Variants in SFXN5 observed in about 807,000 individuals in gnomAD.
SFXN5 encodes sideroflexin-5.
Under a neutral mutation model 50.2 loss-of-function variants are expected in SFXN5, and 43 were observed. The observed-to-expected ratio is 0.86, with a 90% CI of 0.67 to 1.11. SFXN5 has a LOEUF of 1.11. SFXN5 is among the 50% of genes least tolerant of loss of function. The pLI, the probability that SFXN5 is intolerant of heterozygous loss-of-function variation, is 0.00. For synonymous variants in SFXN5, 203 were observed against 185.8 expected (o/e 1.09, Z -0.75); for missense variants, 463 against 454.1 (o/e 1.02, Z -0.18).
chr2:73,050,043 C>T (rs1681038953), intron 2 of SFXN5: 1 of 151,898 alleles, frequency 6.6e-6, no homozygotes, highest in Non-Finnish European at 1.5e-5. Flanking sequence ...AACATTCGAT[C>T]TTGAGAATCA....
At chr2:72,968,632 G>T in intron 11 of SFXN5, 99 bp from the exon 12 acceptor site, 2 of 1,069,748 alleles carry the variant, frequency 1.9e-6, no homozygotes, top group Non-Finnish European at 2.8e-6. Context: ...CAACGCATGT[G>T]TGTCTGAATG....
chr2:72,986,029 C>T (rs1015466976), intron 10 of SFXN5, among the ~76,000 whole-genome samples: 11 of 152,222 alleles, frequency 7.2e-5, no homozygotes, highest in African/African-American at 1.2e-4. Flanking sequence ...TGCAGCAGAG[C>T]GCTGCCCCTT....
chr2:73,023,145 G>C (rs1677111344), intron 4 of SFXN5, 43 bp downstream of exon 4: 5 of 1,588,458 alleles, frequency 3.1e-6, no homozygotes, highest in African/African-American at 2.7e-5. Flanking sequence ...GTGGAGTCCA[G>C]GACAACACGG....
Position 72,953,297 on chromosome 2 carries a change from G to T in SFXN5, c.945+7834C>A, listed in dbSNP as rs1244022594. 6.6e-6 allele frequency among the ~76,000 whole-genome samples: 1 copy of T among 152,174 alleles called. No homozygotes were observed. Among genetic ancestry groups the T allele is most frequent in the Non-Finnish European group, 1.5e-5 (1 of 68,038 alleles). ...GACGGCAAAAATAGCCCACTTTAGA[G>T]TTCAGTAGGGACTGATTAAACCAGT... On this transcript the variant is annotated intron_variant, in intron 13 of 13. Transcript: ENST00000272433. The surrounding 1 kb of genome is among the most constrained non-coding windows in gnomAD (Gnocchi z 4.1).
intron 13 of SFXN5, among the ~76,000 whole-genome samples, chr2:72,959,780 C>T (rs898171522): frequency 1.3e-5 from 2 of 152,164 alleles, no homozygotes; most frequent in Admixed American, 6.5e-5. Flanking sequence ...GCCTTCTCTA[C>T]TGCATTTACG....
chr2:72,993,210 G>A (rs1392576015), intron 9 of SFXN5, among the ~76,000 whole-genome samples: 1 of 152,160 alleles, frequency 6.6e-6, no homozygotes, highest in Non-Finnish European at 1.5e-5. Flanking sequence ...GGCACCGGGG[G>A]CAAGGGTGGG....
At position 72,979,405 on chromosome 2, in the gene SFXN5, G is replaced by A. The variant is rs184700564; in HGVS notation, c.626-7720C>T. On this transcript the variant is annotated intron_variant, in intron 10 of 13. Transcript: ENST00000272433. The stretch of plus-strand genomic sequence containing the variant: ...TCCCAGCACTTTGAGAGGCCAAGGC[G>A]GGTGGATCACCTGAGGTCAGGAGTT... 2.5e-3 allele frequency among the ~76,000 whole-genome samples: 367 copies of A among 145,974 alleles called. 1 individual carries two copies. The highest frequency in any genetic ancestry group is 8.7e-3 in the African/African-American group (348 of 39,990).
intron 12 of SFXN5, among the ~76,000 whole-genome samples, chr2:72,964,625 T>C (rs1220181065): frequency 1.3e-5 from 2 of 152,230 alleles, no homozygotes; most frequent in African/African-American, 4.8e-5. Context: ...GTCCTGCACT[T>C]CCAGAGTACA....
At position 73,031,530 on chromosome 2, in the gene SFXN5, T is replaced by A. The variant is rs548985403; in HGVS notation, c.250-8316A>T. On this transcript the variant is annotated intron_variant, in intron 3 of 13. Coordinates refer to ENST00000272433, the MANE Select transcript of SFXN5 (RefSeq NM_144579.3). ...TTTTGTTACAGCAGCTAGTACCACT[T>A]TAACTAATATAACCCATTTGGGGTT... 2.6e-5 allele frequency among the ~76,000 whole-genome samples: 4 copies of A among 152,314 alleles called. No homozygotes were observed. In the South Asian group the frequency reaches 8.3e-4, roughly 32 times the overall value.
intron 10 of SFXN5, among the ~76,000 whole-genome samples, chr2:72,979,128 GA>G (rs1670989590): frequency 6.6e-6 from 1 of 152,130 alleles, no homozygotes; most frequent in African/African-American, 2.4e-5. Context: ...TATAAATTTT[GA>G]AAAATTCATG....
rs1300351855 is a variant in SFXN5 at position 72,948,585 on chromosome 2, T to C, written c.946-3486A>G. Among the ~76,000 whole-genome samples, 8 of 152,244 alleles carry C rather than the reference T, an allele frequency of 5.3e-5. No individual in the cohort carries two copies. In the East Asian group the frequency reaches 1.5e-3, roughly 29 times the overall value. ...TCAGAGAGGCTGCTCAGCACCACCA[T>C]GCAGGACCACGGCCCAGGGCCACGG... On this transcript the variant is annotated intron_variant, in intron 13 of 13. Transcript: ENST00000272433.
In SFXN5 at chr2:72,950,089, T is replaced by A. The variant is rs530675547; in HGVS notation, c.946-4990A>T. ...GTGAGCATAGCCAGATCCTTCAGAG[T>A]GGAGGAGCTCGCCCAGGGAAGCAGA... On this transcript the variant is annotated intron_variant, in intron 13 of 13. Coordinates refer to ENST00000272433, the MANE Select transcript of SFXN5 (RefSeq NM_144579.3). The surrounding 1 kb of genome is among the most constrained non-coding windows in gnomAD (Gnocchi z 4.2). Among the ~76,000 whole-genome samples the A allele has an allele frequency of 1.4e-5, 2 of 147,832 alleles. No homozygotes were observed. Among genetic ancestry groups the A allele is most frequent in the African/African-American group, 5.0e-5 (2 of 39,698 alleles).
chr2:72,951,034 G>A lies in SFXN5; in HGVS notation c.946-5935C>T, dbSNP rs1334930959. Among the ~76,000 whole-genome samples, 3 of 152,084 alleles carry A rather than the reference G, an allele frequency of 2.0e-5. No homozygotes were observed. In the East Asian group the frequency reaches 5.8e-4, roughly 29 times the overall value. On this transcript the variant is annotated intron_variant, in intron 13 of 13. Coordinates refer to ENST00000272433, the MANE Select transcript of SFXN5 (RefSeq NM_144579.3). ...GGCACCCAAGAGCCAGTCAACAGGG[G>A]CTCCCGAGGGAGGGGGTGTCTGGGA...
intron 13 of SFXN5, among the ~76,000 whole-genome samples, chr2:72,949,373 G>T (rs1288071991): frequency 6.6e-6 from 1 of 152,198 alleles, no homozygotes; most frequent in African/African-American, 2.4e-5. Context: ...ACCCAGGCTG[G>T]AGTGCAGTAG....
At chr2:73,033,273 A>G (rs1559179702) in intron 3 of SFXN5, among the ~76,000 whole-genome samples, 1 of 152,236 alleles carries the variant, frequency 6.6e-6, no homozygotes, top group Non-Finnish European at 1.5e-5. Context: ...CTAAGGACAC[A>G]TCAGTGACAA....
intron 13 of SFXN5, chr2:72,957,044 A>G (rs932977583): frequency 2.2e-6 from 1 of 456,584 alleles, no homozygotes; most frequent in Non-Finnish European, 4.4e-6. Flanking sequence ...AAGTTACTCC[A>G]TCTGGGTTCT....
intron 6 of SFXN5, among the ~76,000 whole-genome samples, chr2:73,009,274 C>T (rs1166006817): frequency 6.6e-6 from 1 of 152,256 alleles, no homozygotes; most frequent in African/African-American, 2.4e-5. Context: ...TCAGTGCTAC[C>T]AGGCGACAGC....
chr2:73,017,290 T>A (rs935147698), intron 6 of SFXN5, among the ~76,000 whole-genome samples: 2 of 152,102 alleles, frequency 1.3e-5, no homozygotes, highest in Non-Finnish European at 2.9e-5. Flanking sequence ...GAGTGGAACT[T>A]TTATGAGTGT....
Position 72,943,601 on chromosome 2 carries a change from G to A in SFXN5, c.*1421C>T, listed in dbSNP as rs755409. The A allele has an allele frequency of 0.13, 19,115 of 152,886 alleles. 1,643 individuals carry two copies. The highest frequency in any genetic ancestry group is 0.24 in the African/African-American group (9,797 of 41,530). The allele number at this position is 152,886 out of a possible 1,614,324, so 9.5% of individuals were successfully genotyped here. ...CTCTGAGGCTGCCAGAGTGAGAGGC[G>A]ACACATGGGTATGGCCCCACCATCA... On this transcript the variant is annotated 3_prime_UTR_variant, in exon 14 of 14. Transcript: ENST00000272433.
Sources: allele counts gnomAD v4.1 joint callset (sites outside exome capture counted in the v4.1 genomes callset), GRCh38; gene constraint gnomAD v4.1.1; non-coding constraint Gnocchi (gnomAD v3.1); transcripts MANE v1.5; gene names NCBI Gene and HGNC (gene_info 2026-07-23, HGNC 2026-07-21).